The following PCYT1B variants were observed in gnomAD, a reference collection of about 807,000 sequenced individuals.
PCYT1B encodes the protein choline-phosphate cytidylyltransferase B.
Under a neutral mutation model 26.4 loss-of-function variants are expected in PCYT1B, and 10 were observed. The ratio of observed to expected loss-of-function variants is 0.38; its 90% CI spans 0.23 to 0.64. The LOEUF is 0.64. PCYT1B is among the 30% of genes least tolerant of loss of function. The pLI, the probability that PCYT1B is intolerant of heterozygous loss-of-function variation, is 0.56. For synonymous variants in PCYT1B, 131 were observed against 108.4 expected (o/e 1.21, Z -1.29); for missense variants, 161 against 292.7 (o/e 0.55, Z 3.28).
At chrX:24,608,537 T>A (rs1310335034) in intron 2 of PCYT1B, among the ~76,000 whole-genome samples, 3 of 111,726 alleles carry the variant, frequency 2.7e-5, no homozygotes, top group African/African-American at 9.8e-5. Flanking sequence ...AGAGTCAGGA[T>A]GTAATGTTGC....
At chrX:24,654,765 A>G (rs2148277663) in intron 1 of PCYT1B, among the ~76,000 whole-genome samples, 1 of 106,596 alleles carries the variant, frequency 9.4e-6, no homozygotes, top group East Asian at 2.9e-4. Context: ...AAAAAAAAAA[A>G]AAAAAAAGAA....
intron 6 of PCYT1B, 30 bp from the exon 7 acceptor site, chrX:24,575,348 CAG>C: frequency 3.9e-6 from 4 of 1,027,846 alleles, no homozygotes; most frequent in Non-Finnish European, 5.3e-6. Context: ...AAAAAAAAAA[CAG>C]ATTTATCCAA....
At chrX:24,622,524 T>C (rs765072394) in intron 1 of PCYT1B, among the ~76,000 whole-genome samples, 1 of 112,523 alleles carries the variant, frequency 8.9e-6, no homozygotes, top group African/African-American at 3.2e-5. Flanking sequence ...AAAGCTGAGA[T>C]GCTTCCAGGG....
At chrX:24,566,742 A>G (rs780799229) in intron 7 of PCYT1B, among the ~76,000 whole-genome samples, 11 of 110,926 alleles carry the variant, frequency 9.9e-5, no homozygotes, top group Non-Finnish European at 1.7e-4. Flanking sequence ...TGCCCCCAAC[A>G]CTCATTTTTC....
At chrX:24,610,832 C>A (rs765653173) in intron 2 of PCYT1B, among the ~76,000 whole-genome samples, 1 of 110,182 alleles carries the variant, frequency 9.1e-6, no homozygotes, top group East Asian at 2.8e-4. Context: ...AAATAAACTT[C>A]AAGGCAAAAA....
rs1440248442 is a variant in PCYT1B, at chrX:24,647,086, T to A, written c.20A>T (p.Asp7Val). The change falls in exon 1 of 8, where the codon GAT becomes GTT. Residue 7 changes from aspartate to valine, a missense_variant. Asp to Val is a radical substitution (Grantham distance 152). Around this residue, in one of 4 missense-constraint regions of PCYT1B, gnomAD observed 51 missense variants for 51.0 expected, o/e 1.00. Transcript: ENST00000379144. MPVVTTDAESETGIPKS... is the reference protein window; with the variant it reads MPVVTTVAESETGIPKS... ...TGGGATACCTGTTTCTGACTCAGCA[T>A]CAGTGGTAACTACTGGCATGGCCAG... 4 of 1,206,473 alleles carry A rather than the reference T, an allele frequency of 3.3e-6. No individual in the cohort carries two copies. The highest frequency in any genetic ancestry group is 4.5e-6 in the Non-Finnish European group (4 of 892,007).
upstream of PCYT1B, among the ~76,000 whole-genome samples, chrX:24,651,473 ATAT>A (rs1322660054): frequency 2.5e-4 from 7 of 28,063 alleles, no homozygotes; most frequent in African/African-American, 1.1e-3. Context: ...AAAAAAAAAA[ATAT>A]ATATATATAT....
intron 7 of PCYT1B, among the ~76,000 whole-genome samples, chrX:24,572,346 G>A (rs1261981810): frequency 9.0e-6 from 1 of 111,357 alleles, no homozygotes; most frequent in Non-Finnish European, 1.9e-5. Flanking sequence ...GATGCTGGAA[G>A]GTTCTGTGAA....
intron 7 of PCYT1B, among the ~76,000 whole-genome samples, chrX:24,572,893 T>C (rs1923876645): frequency 9.5e-6 from 1 of 105,802 alleles, no homozygotes; most frequent in Admixed American, 1.1e-4. Context: ...CTGAAATGAC[T>C]AAGGTCTATA....
upstream of PCYT1B, chrX:24,649,947 C>G (rs1926729595): frequency 8.9e-6 from 1 of 112,306 alleles, no homozygotes; most frequent in East Asian, 2.8e-4. Context: ...CCCACTAATT[C>G]TGCTCCAGCC....
At chrX:24,631,886 T>C (rs897774929) in intron 1 of PCYT1B, among the ~76,000 whole-genome samples, 2 of 109,992 alleles carry the variant, frequency 1.8e-5, no homozygotes, top group Non-Finnish European at 3.8e-5. Flanking sequence ...TGAGCCGGGA[T>C]TGCACCACTG....
chrX:24,579,295 G>A (rs1487548394), intron 6 of PCYT1B, 21 bp downstream of exon 6: 17 of 1,202,760 alleles, frequency 1.4e-5, no homozygotes, highest in Non-Finnish European at 1.9e-5. Flanking sequence ...GTCTTCAGAG[G>A]GTTTGAGGTG....
intron 2 of PCYT1B, 64 bp from the exon 3 acceptor site, chrX:24,607,925 C>G (rs1322154255): frequency 1.7e-6 from 1 of 581,803 alleles, no homozygotes; most frequent in African/African-American, 2.3e-5. Flanking sequence ...TACCTTCTAT[C>G]AGTCGTAAGA....
At chrX:24,632,499 C>T in intron 1 of PCYT1B, 1 of 136,014 alleles carries the variant, frequency 7.4e-6, no homozygotes, top group Admixed American at 7.5e-5. Context: ...ACGATCACCT[C>T]CAGGGAGATC....
chrX:24,633,502 G>A (rs1040256500), intron 1 of PCYT1B, among the ~76,000 whole-genome samples: 4 of 110,240 alleles, frequency 3.6e-5, no homozygotes, highest in Non-Finnish European at 5.7e-5. Flanking sequence ...GGTGAACACC[G>A]TCTCTACTAA....
intron 1 of PCYT1B, among the ~76,000 whole-genome samples, chrX:24,661,348 G>T (rs6629903): frequency 6.2e-5 from 7 of 112,120 alleles, no homozygotes; most frequent in Non-Finnish European, 1.1e-4. Context: ...TCTTGTCTTA[G>T]AATGAGTAAT....
At chrX:24,595,904 T>G (rs1423157341) in intron 3 of PCYT1B, among the ~76,000 whole-genome samples, 3 of 107,791 alleles carry the variant, frequency 2.8e-5, no homozygotes, top group Admixed American at 2.0e-4. Context: ...AAAAAAAGAC[T>G]GAGACTGAAT....
At chrX:24,659,301 C>T (rs1926984669) in intron 1 of PCYT1B, among the ~76,000 whole-genome samples, 1 of 112,034 alleles carries the variant, frequency 8.9e-6, no homozygotes, top group Non-Finnish European at 1.9e-5. Flanking sequence ...TCAGTAAGTG[C>T]CAGTGCAGGA....
At chrX:24,621,134 G>A (rs866230262) in intron 1 of PCYT1B, among the ~76,000 whole-genome samples, 26 of 111,926 alleles carry the variant, frequency 2.3e-4, no homozygotes, top group Middle Eastern at 4.7e-3. Flanking sequence ...TCGGTCAGGC[G>A]CCCACCCTGG....
Sources: allele counts gnomAD v4.1 joint callset (sites outside exome capture counted in the v4.1 genomes callset), GRCh38; gene constraint gnomAD v4.1.1; regional missense constraint gnomAD v4.1.1; transcripts MANE v1.5; gene names NCBI Gene and HGNC (gene_info 2026-07-23, HGNC 2026-07-21).